Variants in LRRC41 observed in about 807,000 individuals in gnomAD.
LRRC41 encodes leucine rich repeat containing 41.
A neutral mutation model predicts 72.1 loss-of-function variants in LRRC41; 17 were observed. The observed-to-expected ratio is 0.24, with a 90% CI of 0.16 to 0.35. The LOEUF is 0.35. Ranked by LOEUF, LRRC41 falls within the 10% of genes least tolerant of loss-of-function variation. The probability of loss-of-function intolerance (pLI) is 1.00; values close to 1 mark genes in which losing one functional copy is unlikely to be tolerated. For synonymous variants in LRRC41, 427 were observed against 431.0 expected, an observed-to-expected ratio of 0.99 and a Z score of 0.11; for missense variants, 759 against 1,065.0, an observed-to-expected ratio of 0.71 and a Z score of 4.00.
Position 46,285,916 on chromosome 1 carries a change from G to A in LRRC41, c.941C>T (p.Pro314Leu), listed in dbSNP as rs143695685. The change falls in exon 4 of 10, where the codon CCC becomes CTC. Residue 314 changes from proline (P) to leucine (L), a missense_variant. Coordinates refer to ENST00000617190, the MANE Select transcript of LRRC41 (RefSeq NM_006369.5). This position sits in a 1 kb window ranked among gnomAD's most constrained non-coding sequence, Gnocchi z 5.3. ...TACCCGAGTGGCAGGTGCAGCTCTG[G>A]GCATCTGCTTGGCTTCACTCTTACG... is the stretch of plus-strand genomic sequence containing the variant. ...SRRKSEAKQM[P>L]RAAPATRVTR... 8.3e-5 allele frequency: 128 copies of A among 1,540,322 alleles called. No individual in the cohort carries two copies. The highest frequency in any genetic ancestry group is 6.7e-4 in the Admixed American group (32 of 47,968).
chr1:46,278,334 G>A lies in LRRC41; in HGVS notation c.*531C>T. On this transcript the variant is annotated 3_prime_UTR_variant, in exon 10 of 10. Transcript: ENST00000617190. The stretch of plus-strand genomic sequence containing the variant: ...TAGAGGAAGGAGATAGGGAAAAGGG[G>A]CTCCTTGCTCCACAGGGCCCTGTTG... 6.6e-7 allele frequency: 1 copy of A among 1,525,482 alleles called. No homozygotes were observed. Among genetic ancestry groups the A allele is most frequent in the South Asian group, 1.2e-5 (1 of 84,220 alleles). 94.5% of individuals were successfully genotyped at this position (1,525,482 alleles called of 1,614,324 possible).
chr1:46,286,202 G>T lies in LRRC41; in HGVS notation c.655C>A (p.His219Asn). The change falls in exon 4 of 10, where the codon CAT (histidine) becomes AAT (asparagine). Residue 219 changes from histidine (H) to asparagine (N), a missense_variant. His to Asn is a moderately conservative substitution (Grantham distance 68). Transcript: ENST00000617190. The surrounding 1 kb of genome is among the most constrained non-coding windows in gnomAD (Gnocchi z 5.5). ...ACAGCCCCATGGTGAATGAGCTGAT[G>T]CAACAGCTGCCGAAGTGACTGCTGA... Reference protein sequence around the residue: ...AAQQSLRQLLHQLIHHGAVSQ... With the variant: ...AAQQSLRQLLNQLIHHGAVSQ... The T allele has an allele frequency of 6.2e-7, 1 of 1,614,252 alleles. No homozygotes were observed.
rs1000106401 is a variant in LRRC41 at position 46,302,431 on chromosome 1, C to T, written c.199+693G>A. 21 of 985,386 alleles carry T rather than the reference C, an allele frequency of 2.1e-5. No individual in the cohort carries two copies. Among genetic ancestry groups the T allele is most frequent in the Non-Finnish European group, 2.5e-5 (21 of 829,900 alleles). 61.0% of individuals were successfully genotyped at this position (985,386 alleles called of 1,614,324 possible). A position where few individuals can be genotyped will look rare whatever the true frequency, so the allele number is the denominator to read the frequency against. On this transcript the variant is annotated intron_variant, in intron 1 of 9. Coordinates refer to ENST00000617190, the MANE Select transcript of LRRC41 (RefSeq NM_006369.5). This position sits in a 1 kb window ranked among gnomAD's most constrained non-coding sequence, Gnocchi z 4.7. ...GGCGCTCCCTGTCCTGCGGGTCGCACGGTCGCTCGGTCGCTTAGTCAGTTT... is the reference window on the plus strand; with the variant it reads ...GGCGCTCCCTGTCCTGCGGGTCGCATGGTCGCTCGGTCGCTTAGTCAGTTT...
At chr1:46,284,577 G>A (rs1482243425) in intron 4 of LRRC41, 1 of 152,156 alleles carries the variant, frequency 6.6e-6, no homozygotes, top group South Asian at 2.1e-4. Context: ...GGGAGAATTA[G>A]CCTTAGAAAG....
Position 46,280,506 on chromosome 1 carries a change from G to A in LRRC41, c.1811C>T (p.Pro604Leu). ...MGFPRGAQPA[P>L]LLCSVLKASG... Reference sequence around the variant, plus strand: ...GGCCTTCAGAACGGAGCACAGCAGTGGGGCTGGCTGGGCTCCCCGTGGAAA... The same window carrying A: ...GGCCTTCAGAACGGAGCACAGCAGTAGGGCTGGCTGGGCTCCCCGTGGAAA... The change falls in exon 6 of 10, where the codon CCA (proline) becomes CTA (leucine). Residue 604 changes from proline to leucine, a missense_variant. Coordinates refer to ENST00000617190, the MANE Select transcript of LRRC41 (RefSeq NM_006369.5). 1 of 1,614,154 alleles carries A rather than the reference G, an allele frequency of 6.2e-7. No homozygotes were observed. The highest frequency in any genetic ancestry group is 1.1e-5 in the South Asian group (1 of 91,070).
In LRRC41 at chr1:46,279,751, C is replaced by T; in HGVS notation, c.2021-137G>A. ...GGAAGGAATTTGTCTAGACTCCAAGCAAGGCTGGAACTAAATCAGAATCCA... is the reference window on the plus strand; with the variant it reads ...GGAAGGAATTTGTCTAGACTCCAAGTAAGGCTGGAACTAAATCAGAATCCA... On this transcript the variant is annotated intron_variant, in intron 7 of 9. Coordinates refer to ENST00000617190, the MANE Select transcript of LRRC41 (RefSeq NM_006369.5). The surrounding 1 kb of genome is among the most constrained non-coding windows in gnomAD (Gnocchi z 4.5). 9.8e-7 allele frequency: 1 copy of T among 1,019,992 alleles called. No homozygotes were observed. The highest frequency in any genetic ancestry group is 2.4e-5 in the East Asian group (1 of 41,198). 63.2% of individuals were successfully genotyped at this position (1,019,992 alleles called of 1,614,324 possible).
chr1:46,297,090 T>A (rs1005488656), intron 3 of LRRC41: 4 of 154,452 alleles, frequency 2.6e-5, no homozygotes, highest in Admixed American at 6.4e-5. Flanking sequence ...TTTACATTAG[T>A]TCACACAGCT....
At chr1:46,291,552 GTT>G (rs1219656700) in intron 3 of LRRC41, among the ~76,000 whole-genome samples, 23 of 84,942 alleles carry the variant, frequency 2.7e-4, no homozygotes, top group African/African-American at 9.3e-4. Flanking sequence ...GCCCCAGCTG[GTT>G]TTTTTTTTTT....
rs770334028 is a variant in LRRC41 at position 46,286,506 on chromosome 1, C to T, written c.358-7G>A. 3.9e-5 allele frequency: 61 copies of T among 1,581,696 alleles called. No homozygotes were observed. The highest frequency in any genetic ancestry group is 1.7e-4 in the Middle Eastern group (1 of 5,888). ...CTCGCCAACATGTCACACTCTGAAACGCAGAAAACATGCCAGACAGCCATG... is the reference window on the plus strand; with the variant it reads ...CTCGCCAACATGTCACACTCTGAAATGCAGAAAACATGCCAGACAGCCATG... On this transcript the variant is annotated splice_polypyrimidine_tract_variant and splice_region_variant and intron_variant, in intron 3 of 9. Coordinates refer to ENST00000617190, the MANE Select transcript of LRRC41 (RefSeq NM_006369.5). This position sits in a 1 kb window ranked among gnomAD's most constrained non-coding sequence, Gnocchi z 5.5.
At chr1:46,288,882 C>T (rs1004621230) in intron 3 of LRRC41, among the ~76,000 whole-genome samples, 4 of 152,224 alleles carry the variant, frequency 2.6e-5, no homozygotes, top group Admixed American at 1.3e-4. Context: ...AGGTATCCTT[C>T]GGTCCTACCT....
intron 1 of LRRC41, among the ~76,000 whole-genome samples, chr1:46,301,550 G>A (rs1661223630): frequency 6.6e-6 from 1 of 151,868 alleles, no homozygotes; most frequent in Non-Finnish European, 1.5e-5. Flanking sequence ...AGGACACTCA[G>A]GCCTCATGGT....
intron 5 of LRRC41, 32 bp downstream of exon 5, chr1:46,281,093 G>C: frequency 6.2e-7 from 1 of 1,609,340 alleles, no homozygotes. Context: ...ACACGTGCGT[G>C]CACACACACA....
chr1:46,302,782 C>T lies in LRRC41; in HGVS notation c.199+342G>A. ...GCCCACCGGTTCGACATCCGAGACT[C>T]TCCTGCCCGGCCCAGCCGAGTGTCA... On this transcript the variant is annotated intron_variant, in intron 1 of 9. Coordinates refer to ENST00000617190, the MANE Select transcript of LRRC41 (RefSeq NM_006369.5). This position sits in a 1 kb window ranked among gnomAD's most constrained non-coding sequence, Gnocchi z 4.7. 1 of 985,366 alleles carries T rather than the reference C, an allele frequency of 1.0e-6. No individual in the cohort carries two copies. Among genetic ancestry groups the T allele is most frequent in the Non-Finnish European group, 1.2e-6 (1 of 829,894 alleles). 61.0% of individuals were successfully genotyped at this position (985,366 alleles called of 1,614,324 possible).
rs1183149158 is a variant in LRRC41, at chr1:46,302,705, AGGCCG to A, written c.199+414_199+418del. 2 of 984,572 alleles carry A rather than the reference AGGCCG, an allele frequency of 2.0e-6. No individual in the cohort carries two copies. The highest frequency in any genetic ancestry group is 3.5e-5 in the African/African-American group (2 of 56,978). 61.0% of individuals were successfully genotyped at this position (984,572 alleles called of 1,614,324 possible). A position where few individuals can be genotyped will look rare whatever the true frequency, so the allele number is the denominator to read the frequency against. On this transcript the variant is annotated intron_variant, in intron 1 of 9. Transcript: ENST00000617190. The surrounding 1 kb of genome is among the most constrained non-coding windows in gnomAD (Gnocchi z 4.7). ...CCCGGGCCTGGCCTGGCCTTGCCTTAGGCCGGGCCTCCTAACCTCGGCCCCTGCCC... is the reference window on the plus strand; with the variant it reads ...CCCGGGCCTGGCCTGGCCTTGCCTTAGGCCTCCTAACCTCGGCCCCTGCCC...
chr1:46,278,226 G>C lies in LRRC41; in HGVS notation c.*639C>G, dbSNP rs2148309211. The C allele has an allele frequency of 6.2e-7, 1 of 1,613,950 alleles. No homozygotes were observed. The highest frequency in any genetic ancestry group is 8.5e-7 in the Non-Finnish European group (1 of 1,179,976). Reference sequence around the variant, plus strand: ...GGCTGCCTGGGATGCTGCCTCCACTGCCATCACCTTCGTCTTCCACCAGCG... The same window carrying C: ...GGCTGCCTGGGATGCTGCCTCCACTCCCATCACCTTCGTCTTCCACCAGCG... On this transcript the variant is annotated 3_prime_UTR_variant, in exon 10 of 10. Coordinates refer to ENST00000617190, the MANE Select transcript of LRRC41 (RefSeq NM_006369.5).
intron 3 of LRRC41, among the ~76,000 whole-genome samples, chr1:46,296,052 C>T (rs985868457): frequency 6.6e-6 from 1 of 152,202 alleles, no homozygotes; most frequent in African/African-American, 2.4e-5. Context: ...CTCTCTCAAC[C>T]TTCTTACTAT....
In LRRC41 at chr1:46,279,482, T is replaced by C. The variant is rs1368909483; in HGVS notation, c.2143+10A>G. On this transcript the variant is annotated intron_variant, in intron 8 of 9. Coordinates refer to ENST00000617190, the MANE Select transcript of LRRC41 (RefSeq NM_006369.5). The surrounding 1 kb of genome is among the most constrained non-coding windows in gnomAD (Gnocchi z 4.5). Reference sequence around the variant, plus strand: ...CTTTCCCCTCTCCCTCCCCAGGGTCTGGCCCCCACCCAGGCGGTTCCCTGG... The same window carrying C: ...CTTTCCCCTCTCCCTCCCCAGGGTCCGGCCCCCACCCAGGCGGTTCCCTGG... 3.1e-6 allele frequency: 5 copies of C among 1,614,112 alleles called. No homozygotes were observed. The highest frequency in any genetic ancestry group is 3.3e-5 in the Admixed American group (2 of 60,008).
At position 46,280,525 on chromosome 1, in the gene LRRC41, G is replaced by T. The variant is rs766336720; in HGVS notation, c.1792C>A (p.Arg598=). The T allele has an allele frequency of 6.8e-6, 11 of 1,614,122 alleles. No individual in the cohort carries two copies. The highest frequency in any genetic ancestry group is 1.7e-4 in the Middle Eastern group (1 of 6,000). The change falls in exon 6 of 10, where the codon CGG becomes AGG. Residue 598 remains arginine (R), a synonymous_variant. Transcript: ENST00000617190. ...AGCAGTGGGGCTGGCTGGGCTCCCC[G>T]TGGAAATCCCATCTCCAACTGCTCC... ...CLEQLEMGFP[R]GAQPAPLLCS... is the part of the protein sequence containing the mutation.
chr1:46,295,817 C>G (rs1406722853), intron 3 of LRRC41, among the ~76,000 whole-genome samples: 1 of 152,238 alleles, frequency 6.6e-6, no homozygotes. Flanking sequence ...TTCTCTTCCT[C>G]ATAAGGTCTG....
Sources: allele counts gnomAD v4.1 joint callset (sites outside exome capture counted in the v4.1 genomes callset), GRCh38; gene constraint gnomAD v4.1.1; non-coding constraint Gnocchi (gnomAD v3.1); transcripts MANE v1.5; gene names NCBI Gene and HGNC (gene_info 2026-07-23, HGNC 2026-07-21).